CORO2B: variants seen among roughly 807,000 people sequenced by gnomAD.
CORO2B encodes coronin 2B.
A neutral mutation model predicts 58.8 loss-of-function variants in CORO2B; 26 were observed. That is an observed-to-expected ratio of 0.44 (90% CI 0.32 to 0.61). CORO2B has a LOEUF of 0.61. CORO2B is among the 20% of genes least tolerant of loss of function. The probability of loss-of-function intolerance (pLI) is 0.04; values close to 1 mark genes in which losing one functional copy is unlikely to be tolerated. For missense variants in CORO2B, 460 were observed against 645.1 expected (o/e 0.71, Z 3.11); for synonymous variants, 242 against 253.8 (o/e 0.95, Z 0.44).
chr15:68,668,308 C>G (rs1037387634), intron 2 of CORO2B, among the ~76,000 whole-genome samples: 8 of 152,080 alleles, frequency 5.3e-5, no homozygotes, highest in Admixed American at 1.3e-4. Flanking sequence ...GATCCAAGAA[C>G]CTTCTGGATC....
the CORO2B span, among the ~76,000 whole-genome samples, chr15:68,561,923 A>G: frequency 6.6e-6 from 1 of 152,014 alleles, no homozygotes. Flanking sequence ...GTGTGTTGTG[A>G]GTGTGTACAC....
intron 1 of CORO2B, among the ~76,000 whole-genome samples, chr15:68,615,483 G>A (rs1900332263): frequency 6.6e-6 from 1 of 152,138 alleles, no homozygotes; most frequent in Non-Finnish European, 1.5e-5. Flanking sequence ...TGTGGCTTAG[G>A]CTTAGATGAG....
the CORO2B span, among the ~76,000 whole-genome samples, chr15:68,551,266 G>A: frequency 1.3e-3 from 192 of 152,222 alleles, no homozygotes; most frequent in Middle Eastern, 0.014. Context: ...CTGTGTGAGT[G>A]CCTGACCCCC....
intron 1 of CORO2B, among the ~76,000 whole-genome samples, chr15:68,640,743 T>G (rs1408158743): frequency 1.3e-5 from 2 of 152,216 alleles, no homozygotes; most frequent in Non-Finnish European, 2.9e-5. Context: ...ATTGCCGTCC[T>G]TTGTAGGAAA....
intron 1 of CORO2B, among the ~76,000 whole-genome samples, chr15:68,584,676 G>T (rs138616303): frequency 6.6e-6 from 1 of 152,304 alleles, no homozygotes; most frequent in Non-Finnish European, 1.5e-5. Context: ...TCCAGGAGAT[G>T]AGAACGTGTG....
Position 68,710,598 on chromosome 15 carries a change from G to T in CORO2B, c.334-134G>T, listed in dbSNP as rs955624615. The T allele has an allele frequency of 9.4e-7, 1 of 1,063,868 alleles. No individual in the cohort carries two copies. The highest frequency in any genetic ancestry group is 1.3e-6 in the Non-Finnish European group (1 of 775,988). The allele number at this position is 1,063,868 out of a possible 1,614,324, so 65.9% of individuals were successfully genotyped here. On this transcript the variant is annotated intron_variant, in intron 3 of 11. Transcript: ENST00000261861. The surrounding 1 kb of genome is among the most constrained non-coding windows in gnomAD (Gnocchi z 4.1). Reference sequence around the variant, plus strand: ...TCCCAGCAGGCCTCAGTCGAGCTTTGCCCATCGCCTCAAGCCAGGAGGTGG... The same window carrying T: ...TCCCAGCAGGCCTCAGTCGAGCTTTTCCCATCGCCTCAAGCCAGGAGGTGG...
intron 1 of CORO2B, among the ~76,000 whole-genome samples, chr15:68,581,939 C>T (rs1028323117): frequency 1.3e-5 from 2 of 152,140 alleles, no homozygotes; most frequent in Non-Finnish European, 1.5e-5. Context: ...ATCAGGTCCC[C>T]TCAGGGCAGA....
At chr15:68,579,875 A>G (rs1899384266) in intron 1 of CORO2B, among the ~76,000 whole-genome samples, 1 of 152,336 alleles carries the variant, frequency 6.6e-6, no homozygotes, top group South Asian at 2.1e-4. Context: ...CAGGGGAAGC[A>G]AAGGTGGGCA....
chr15:68,634,028 G>C (rs1234263692), intron 1 of CORO2B, among the ~76,000 whole-genome samples: 1 of 152,268 alleles, frequency 6.6e-6, no homozygotes, highest in African/African-American at 2.4e-5. Context: ...GGGAGCCTCG[G>C]CAGTGGCAGC....
At chr15:68,575,414 T>C (rs1010562810), upstream of CORO2B, among the ~76,000 whole-genome samples, 10 of 118,150 alleles carry the variant, frequency 8.5e-5, no homozygotes, top group Admixed American at 2.7e-4. Context: ...CTCAGCTCAC[T>C]GCAACCTCCG....
At chr15:68,685,174 T>C (rs1001276168) in intron 2 of CORO2B, among the ~76,000 whole-genome samples, 1 of 152,232 alleles carries the variant, frequency 6.6e-6, no homozygotes, top group Admixed American at 6.5e-5. Flanking sequence ...TTACCTGTGG[T>C]TTCTACAAAT....
the CORO2B span, among the ~76,000 whole-genome samples, chr15:68,535,859 C>T: frequency 6.6e-6 from 1 of 152,080 alleles, no homozygotes; most frequent in Non-Finnish European, 1.5e-5. Context: ...ATGTTAGCCT[C>T]TAGGAATGCT....
chr15:68,530,198 G>A, the CORO2B span, among the ~76,000 whole-genome samples: 76 of 152,252 alleles, frequency 5.0e-4, no homozygotes, highest in African/African-American at 1.7e-3. Context: ...GGTGGCAGGC[G>A]CCTGTAGTCC....
At chr15:68,677,001 T>C (rs1395304996) in intron 2 of CORO2B, among the ~76,000 whole-genome samples, 3 of 152,154 alleles carry the variant, frequency 2.0e-5, no homozygotes, top group African/African-American at 7.2e-5. Context: ...CTTGAACTCC[T>C]GTGTTCAAGT....
rs778572676 is a variant in CORO2B, at chr15:68,714,548, T to C, written c.766-11T>C. Reference sequence around the variant, plus strand: ...CCTGCAGAGAGGCTGAGACCAGCTCTTCTCCCTCAGGAGGACCTCTCCATG... The same window carrying C: ...CCTGCAGAGAGGCTGAGACCAGCTCCTCTCCCTCAGGAGGACCTCTCCATG... On this transcript the variant is annotated splice_polypyrimidine_tract_variant and intron_variant, in intron 6 of 11. Coordinates refer to ENST00000261861, the MANE Select transcript of CORO2B (RefSeq NM_006091.5). 2.9e-5 allele frequency: 47 copies of C among 1,609,056 alleles called. No individual in the cohort carries two copies. In the South Asian group the frequency reaches 5.1e-4, roughly 17 times the overall value.
At chr15:68,617,176 T>C (rs55725109) in intron 1 of CORO2B, among the ~76,000 whole-genome samples, 5,545 of 141,214 alleles carry the variant, frequency 0.039, 346 homozygotes, top group African/African-American at 0.13. Flanking sequence ...CTCCAGGGAA[T>C]GGGATGAGTC....
the CORO2B span, among the ~76,000 whole-genome samples, chr15:68,541,393 A>C: frequency 1.3e-5 from 2 of 152,244 alleles, no homozygotes; most frequent in Non-Finnish European, 2.9e-5. Context: ...GATATAGTAC[A>C]TAAATGAGTT....
At chr15:68,603,061 C>T (rs190710877) in intron 1 of CORO2B, among the ~76,000 whole-genome samples, 5 of 152,194 alleles carry the variant, frequency 3.3e-5, no homozygotes, top group Admixed American at 2.0e-4. Flanking sequence ...GGTCTGTCAA[C>T]GGTCTGTTAG....
chr15:68,524,792 C>T, the CORO2B span, among the ~76,000 whole-genome samples: 878 of 152,274 alleles, frequency 5.8e-3, 6 homozygotes, highest in African/African-American at 0.019. Flanking sequence ...GAACACTCCA[C>T]GGGACTCACT....
Sources: allele counts gnomAD v4.1 joint callset (sites outside exome capture counted in the v4.1 genomes callset), GRCh38; gene constraint gnomAD v4.1.1; non-coding constraint Gnocchi (gnomAD v3.1); transcripts MANE v1.5; gene names NCBI Gene and HGNC (gene_info 2026-07-23, HGNC 2026-07-21).